The following OSBPL5 variants were observed in gnomAD, a reference collection of about 807,000 sequenced individuals.
OSBPL5 encodes oxysterol binding protein like 5, also known as oxysterol-binding protein-related protein 5.
Under a neutral mutation model 111.2 loss-of-function variants are expected in OSBPL5, and 71 were observed. The ratio of observed to expected loss-of-function variants is 0.64; its 90% confidence interval spans 0.53 to 0.78. OSBPL5 has a LOEUF of 0.78. Ranked by LOEUF, OSBPL5 falls within the 30% of genes least tolerant of loss-of-function variation. The probability of loss-of-function intolerance (pLI) is 0.00; values close to 1 mark genes in which losing one functional copy is unlikely to be tolerated. For missense variants in OSBPL5, 1,210 were observed against 1,189.3 expected, an observed-to-expected ratio of 1.02 and a Z score of -0.26; for synonymous variants, 549 against 513.9, an observed-to-expected ratio of 1.07 and a Z score of -0.93.
In OSBPL5 at chr11:3,121,835, T is replaced by TA; in HGVS notation, c.402+161dup. Reference sequence around the variant, plus strand: ...ATAAAAAGGGGGAGAGACAGGTGGATAAGGAAAGGCCTCATGAGGAAGGAG... The same window carrying TA: ...ATAAAAAGGGGGAGAGACAGGTGGATAAAGGAAAGGCCTCATGAGGAAGGAG... On this transcript the variant is annotated intron_variant, in intron 5 of 21. Coordinates refer to ENST00000263650, the MANE Select transcript of OSBPL5 (RefSeq NM_020896.4). This position sits in a 1 kb window ranked among gnomAD's most constrained non-coding sequence, Gnocchi z 4.3. The TA allele has an allele frequency of 1.6e-6, 1 of 640,050 alleles. No homozygotes were observed. Among genetic ancestry groups the TA allele is most frequent in the Non-Finnish European group, 2.7e-6 (1 of 368,142 alleles). The allele number at this position is 640,050 out of a possible 1,614,324, so 39.6% of individuals were successfully genotyped here. A position where few individuals can be genotyped will look rare whatever the true frequency, so the allele number is the denominator to read the frequency against.
At position 3,126,587 on chromosome 11, in the gene OSBPL5, G is replaced by T. The variant is rs538392435; in HGVS notation, c.137-32C>A. 4 of 1,580,262 alleles carry T rather than the reference G, an allele frequency of 2.5e-6. No homozygotes were observed. Among genetic ancestry groups the T allele is most frequent in the African/African-American group, 2.7e-5 (2 of 74,164 alleles). ...GAGAGCAGTGGGAGTGAGGACCCAG[G>T]CATGGTGGCGTGGCCAGGCTTCTCA... On this transcript the variant is annotated intron_variant, in intron 2 of 21. Transcript: ENST00000263650. The surrounding 1 kb of genome is among the most constrained non-coding windows in gnomAD (Gnocchi z 6.5).
Position 3,163,051 on chromosome 11 carries a change from G to C in OSBPL5, c.-22+2165C>G, listed in dbSNP as rs529547713. On this transcript the variant is annotated intron_variant, in intron 1 of 21. Coordinates refer to ENST00000263650, the MANE Select transcript of OSBPL5 (RefSeq NM_020896.4). ...AGCTCCCTTCCTGTCAAAATGACCG[G>C]GATCCTTTTGGCACTGTGCAACCCT... Among the ~76,000 whole-genome samples, 18 of 152,240 alleles carry C rather than the reference G, an allele frequency of 1.2e-4. No homozygotes were observed. In the East Asian group the frequency reaches 3.5e-3, roughly 30 times the overall value.
chr11:3,134,841 G>A (rs1241589480), intron 1 of OSBPL5, among the ~76,000 whole-genome samples: 2 of 150,802 alleles, frequency 1.3e-5, no homozygotes, highest in African/African-American at 4.9e-5. Context: ...AGGGGCTGAG[G>A]GTGGGGGAGG....
chr11:3,157,027 A>ATTG (rs1398134763), intron 1 of OSBPL5, among the ~76,000 whole-genome samples: 3 of 152,252 alleles, frequency 2.0e-5, no homozygotes, highest in Admixed American at 1.3e-4. Flanking sequence ...GGGGCCCCCA[A>ATTG]GGGCAGCAAG....
Position 3,125,621 on chromosome 11 carries a change from C to T in OSBPL5, c.219+852G>A, listed in dbSNP as rs188544879. On this transcript the variant is annotated intron_variant, in intron 3 of 21. Transcript: ENST00000263650. Reference sequence around the variant, plus strand: ...GAGATCAAGGCCATCCTGGCTAACACGGTGAAACCCGTCTCTACTAAAAAT... The same window carrying T: ...GAGATCAAGGCCATCCTGGCTAACATGGTGAAACCCGTCTCTACTAAAAAT... Among the ~76,000 whole-genome samples, 39 of 152,268 alleles carry T rather than the reference C, an allele frequency of 2.6e-4. No homozygotes were observed. In the East Asian group the frequency reaches 6.9e-3, roughly 27 times the overall value.
chr11:3,090,583 C>T lies in OSBPL5; in HGVS notation c.2373G>A (p.Glu791=), dbSNP rs753608011. The T allele has an allele frequency of 3.7e-6, 6 of 1,613,090 alleles. No homozygotes were observed. Among genetic ancestry groups the T allele is most frequent in the Admixed American group, 3.3e-5 (2 of 60,032 alleles). ...TPESCPELSD[E]EQDGDFVPGG... ...CAGGGACAAAGTCACCATCCTGCTC[C>T]TCGTCTGAGAGCTCTGGGCAGGACT... Residue 791 remains glutamate (E), a synonymous_variant, in exon 20 of 22, where the codon GAG becomes GAA. Coordinates refer to ENST00000263650, the MANE Select transcript of OSBPL5 (RefSeq NM_020896.4).
At chr11:3,116,858 A>C (rs1253286608) in intron 7 of OSBPL5, among the ~76,000 whole-genome samples, 5 of 151,434 alleles carry the variant, frequency 3.3e-5, no homozygotes, top group African/African-American at 7.3e-5. Context: ...CCATCACAAA[A>C]AAAAAAAAAA....
chr11:3,088,295 C>A lies in OSBPL5; in HGVS notation c.2550G>T (p.Pro850=), dbSNP rs758433563. The change falls in exon 22 of 22, where the codon CCG becomes CCT. Residue 850 remains proline (P), a synonymous_variant. Transcript: ENST00000263650. ...LSSTARAAQA[P]TPGLLQSPRS... ...GGGGGCTCTGCAGGAGGCCTGGGGT[C>A]GGTGCCTGTGCTGCCCGTGCCGTGG... 1.2e-6 allele frequency: 2 copies of A among 1,606,258 alleles called. No homozygotes were observed. Among genetic ancestry groups the A allele is most frequent in the South Asian group, 1.1e-5 (1 of 89,906 alleles).
chr11:3,114,896 C>T (rs74811957), intron 7 of OSBPL5, among the ~76,000 whole-genome samples: 1 of 152,126 alleles, frequency 6.6e-6, no homozygotes, highest in Admixed American at 6.5e-5. Context: ...GCCACCGCAC[C>T]TGGCCGACAT....
In OSBPL5 at chr11:3,122,408, G is replaced by A. The variant is rs184161220; in HGVS notation, c.240C>T (p.Asn80=). The A allele has an allele frequency of 5.6e-5, 90 of 1,613,864 alleles. No individual in the cohort carries two copies. Among genetic ancestry groups the A allele is most frequent in the Non-Finnish European group, 6.8e-5 (80 of 1,179,954 alleles). The change falls in exon 4 of 22, where the codon AAC becomes AAT. Residue 80 remains asparagine, a synonymous_variant. Transcript: ENST00000263650. ...GGGACACACATTCCTTGTCTGACCC[G>A]TTGCACAGCCTGTACTCTGCCTGAA... ...KVPPAEYRLC[N]GSDKECVSPT... is the part of the protein sequence containing the mutation.
At chr11:3,093,929 G>A in intron 15 of OSBPL5, 94 bp from the exon 16 acceptor site, 1 of 1,451,466 alleles carries the variant, frequency 6.9e-7, no homozygotes, top group East Asian at 2.5e-5. Flanking sequence ...TATTCTCTTG[G>A]GGTGCCTGGG....
At chr11:3,095,465 G>A (rs1390101569) in intron 14 of OSBPL5, among the ~76,000 whole-genome samples, 1 of 152,182 alleles carries the variant, frequency 6.6e-6, no homozygotes, top group Admixed American at 6.5e-5. Flanking sequence ...TGTCCTAGGT[G>A]CACACATGGT....
chr11:3,102,293 A>G lies in OSBPL5; in HGVS notation c.1327-12T>C. 1 of 1,583,298 alleles carries G rather than the reference A, an allele frequency of 6.3e-7. No homozygotes were observed. Among genetic ancestry groups the G allele is most frequent in the Admixed American group, 1.8e-5 (1 of 54,352 alleles). On this transcript the variant is annotated splice_polypyrimidine_tract_variant and intron_variant, in intron 11 of 21. Transcript: ENST00000263650. ...GGCTTCTTGATTCCCTGCAGACAAC[A>G]GAGACTTGTGTGAGGAGCCAGGTGG...
intron 1 of OSBPL5, among the ~76,000 whole-genome samples, chr11:3,151,374 G>C (rs563835366): frequency 3.9e-5 from 6 of 152,282 alleles, no homozygotes; most frequent in Admixed American, 1.3e-4. Context: ...GGAAGGGCCT[G>C]GCCAAAGGTG....
chr11:3,121,033 T>C lies in OSBPL5; in HGVS notation c.403-409A>G, dbSNP rs982109759. The stretch of plus-strand genomic sequence containing the variant: ...AGGGAGGAACCAGCAATGAGTGGTG[T>C]GACTTGTAACTGGCAGCTTTGTAGA... On this transcript the variant is annotated intron_variant, in intron 5 of 21. Coordinates refer to ENST00000263650, the MANE Select transcript of OSBPL5 (RefSeq NM_020896.4). This position sits in a 1 kb window ranked among gnomAD's most constrained non-coding sequence, Gnocchi z 4.3. Among the ~76,000 whole-genome samples the C allele has an allele frequency of 5.3e-5, 8 of 151,018 alleles. No individual in the cohort carries two copies. Among genetic ancestry groups the C allele is most frequent in the Admixed American group, 1.3e-4 (2 of 15,184 alleles).
At chr11:3,114,520 T>C (rs567516516) in intron 7 of OSBPL5, among the ~76,000 whole-genome samples, 2 of 150,978 alleles carry the variant, frequency 1.3e-5, no homozygotes, top group East Asian at 3.9e-4. Flanking sequence ...AGGGAAATTA[T>C]AATGGTCTTT....
intron 1 of OSBPL5, among the ~76,000 whole-genome samples, chr11:3,159,687 G>A (rs910558661): frequency 8.5e-5 from 13 of 152,202 alleles, no homozygotes; most frequent in Non-Finnish European, 8.8e-5. Context: ...CCTGGGGAGG[G>A]CCAGGGCCAC....
intron 1 of OSBPL5, among the ~76,000 whole-genome samples, chr11:3,158,816 G>A (rs993166993): frequency 3.9e-5 from 6 of 152,242 alleles, no homozygotes; most frequent in Non-Finnish European, 7.3e-5. Flanking sequence ...AGGAGCAGGA[G>A]CAGATGGACA....
intron 10 of OSBPL5, among the ~76,000 whole-genome samples, chr11:3,103,802 AGCCCTCTTCCTGCCTGCGC>A: frequency 2.5e-5 from 1 of 40,766 alleles, no homozygotes; most frequent in South Asian, 7.3e-4. Context: ...CTGCCTCTGC[AGCCCTCTTCCTGCCTGCGC>A]AGCCCCCTTC....
Sources: allele counts gnomAD v4.1 joint callset (sites outside exome capture counted in the v4.1 genomes callset), GRCh38; gene constraint gnomAD v4.1.1; non-coding constraint Gnocchi (gnomAD v3.1); transcripts MANE v1.5; gene names NCBI Gene and HGNC (gene_info 2026-07-23, HGNC 2026-07-21).